Variants in STK3 observed in about 807,000 individuals in gnomAD.
STK3 encodes serine/threonine-protein kinase 3.
STK3 carries 41 observed loss-of-function variants against 58.0 expected under a neutral mutation model. The ratio of observed to expected loss-of-function variants is 0.71; its 90% confidence interval spans 0.55 to 0.92. The LOEUF is 0.92. Ranked by LOEUF, STK3 falls within the 40% of genes least tolerant of loss-of-function variation. The probability of loss-of-function intolerance (pLI) is 0.00; values close to 1 mark genes in which losing one functional copy is unlikely to be tolerated. For missense variants in STK3, 479 were observed against 602.7 expected (o/e 0.79, Z 2.15); for synonymous variants, 170 against 191.0 (o/e 0.89, Z 0.91).
intron 6 of STK3, among the ~76,000 whole-genome samples, chr8:98,670,067 G>A (rs958543422): frequency 1.4e-4 from 22 of 152,110 alleles, no homozygotes; most frequent in African/African-American, 5.1e-4. Flanking sequence ...TCACAACACT[G>A]TATATAAAAA....
chr8:98,605,224 C>A (rs2130115199), intron 6 of STK3, among the ~76,000 whole-genome samples: 1 of 152,206 alleles, frequency 6.6e-6, no homozygotes, highest in South Asian at 2.1e-4. Context: ...ATCTTTATAG[C>A]AATGCCCTAC....
At chr8:98,635,789 C>T (rs535968857) in intron 6 of STK3, among the ~76,000 whole-genome samples, 8 of 151,792 alleles carry the variant, frequency 5.3e-5, no homozygotes, top group Non-Finnish European at 1.0e-4. Context: ...TAAATATGTA[C>T]ATATAATAAT....
chr8:98,775,476 C>T (rs919960041), intron 1 of STK3, among the ~76,000 whole-genome samples: 4 of 152,202 alleles, frequency 2.6e-5, no homozygotes, highest in East Asian at 3.8e-4. Context: ...AGGTTCCCCA[C>T]GATGCCCCAC....
chr8:98,914,509 C>CT (rs35043360), intron 1 of STK3, among the ~76,000 whole-genome samples: 24 of 151,742 alleles, frequency 1.6e-4, no homozygotes, highest in African/African-American at 5.8e-4. Flanking sequence ...CTCTCTCTCT[C>CT]TTCACTCTTA....
rs377707462 is a variant in STK3, at chr8:98,725,409, C to G, written c.352-18098G>C. Among the ~76,000 whole-genome samples, 30 of 152,076 alleles carry G rather than the reference C, an allele frequency of 2.0e-4. No homozygotes were observed. In the East Asian group the frequency reaches 4.6e-3, roughly 23 times the overall value. On this transcript the variant is annotated intron_variant, in intron 4 of 10. Coordinates refer to ENST00000419617, the MANE Select transcript of STK3 (RefSeq NM_006281.4). Reference sequence around the variant, plus strand: ...TTATTTGAAATTTTTACAATGTGCTCGTGTTATGTTTTTCTCTATAATTTA... The same window carrying G: ...TTATTTGAAATTTTTACAATGTGCTGGTGTTATGTTTTTCTCTATAATTTA...
chr8:98,831,476 C>T (rs913727412), intron 3 of STK3, among the ~76,000 whole-genome samples: 2 of 152,166 alleles, frequency 1.3e-5, no homozygotes, highest in Non-Finnish European at 2.9e-5. Context: ...AGACTGGTCT[C>T]GAACTCCTGG....
At chr8:98,907,900 A>G (rs2131972768) in intron 1 of STK3, among the ~76,000 whole-genome samples, 2 of 152,126 alleles carry the variant, frequency 1.3e-5, no homozygotes, top group South Asian at 4.2e-4. Flanking sequence ...TTTTCCTTGC[A>G]TGCAATTCAT....
intron 3 of STK3, among the ~76,000 whole-genome samples, chr8:98,417,511 CT>C (rs1818128593): frequency 9.7e-6 from 1 of 102,642 alleles, no homozygotes; most frequent in Non-Finnish European, 2.0e-5. Flanking sequence ...GAGACTCTGT[CT>C]CAAAAAATAA....
At chr8:98,565,245 C>T (rs1812379899) in intron 8 of STK3, among the ~76,000 whole-genome samples, 1 of 152,048 alleles carries the variant, frequency 6.6e-6, no homozygotes. Flanking sequence ...TGAGAAATTT[C>T]CCAGAATAAA....
At chr8:98,537,065 C>T (rs1809825229) in intron 9 of STK3, among the ~76,000 whole-genome samples, 1 of 152,074 alleles carries the variant, frequency 6.6e-6, no homozygotes, top group Admixed American at 6.6e-5. Flanking sequence ...ACAGAGTTAA[C>T]AAAAGTTTTA....
chr8:98,832,302 ACACT>A (rs1323188742), intron 3 of STK3, among the ~76,000 whole-genome samples: 2 of 151,118 alleles, frequency 1.3e-5, no homozygotes, highest in East Asian at 1.9e-4. Context: ...ACAAAGGCAG[ACACT>A]CACATGCACA....
At chr8:98,373,841 C>T (rs1310863298) in intron 2 of STK3, among the ~76,000 whole-genome samples, 1 of 152,146 alleles carries the variant, frequency 6.6e-6, no homozygotes, top group Non-Finnish European at 1.5e-5. Flanking sequence ...AGTGGCTTGC[C>T]GAAGTCACAC....
At chr8:98,769,866 G>A (rs567070878) in intron 2 of STK3, among the ~76,000 whole-genome samples, 2 of 152,328 alleles carry the variant, frequency 1.3e-5, no homozygotes, top group South Asian at 4.1e-4. Flanking sequence ...TCAAGACTGA[G>A]AGAACCAGAA....
chr8:98,505,202 T>G (rs780459576), intron 10 of STK3, among the ~76,000 whole-genome samples: 4 of 152,232 alleles, frequency 2.6e-5, no homozygotes, highest in Non-Finnish European at 5.9e-5. Context: ...AGCTTGTGCA[T>G]GTGTCACGTA....
intron 10 of STK3, among the ~76,000 whole-genome samples, chr8:98,456,797 G>A (rs939856416): frequency 1.3e-5 from 2 of 152,136 alleles, no homozygotes; most frequent in African/African-American, 2.4e-5. Flanking sequence ...ATTGCCTTTG[G>A]TTATTTTATG....
At chr8:98,845,200 A>G (rs1255891899) in intron 3 of STK3, among the ~76,000 whole-genome samples, 1 of 152,118 alleles carries the variant, frequency 6.6e-6, no homozygotes, top group Non-Finnish European at 1.5e-5. Context: ...ATTTTTTTAA[A>G]CCACGTATTT....
chr8:98,366,882 C>T (rs1817570233), downstream of STK3, among the ~76,000 whole-genome samples: 2 of 152,238 alleles, frequency 1.3e-5, 1 homozygote, highest in South Asian at 4.1e-4. Flanking sequence ...CCACTGTATG[C>T]TAGGCAGCAT....
At chr8:98,551,147 T>A (rs1270033555) in intron 8 of STK3, among the ~76,000 whole-genome samples, 1 of 152,168 alleles carries the variant, frequency 6.6e-6, no homozygotes, top group Non-Finnish European at 1.5e-5. Context: ...TTCCCCTCTA[T>A]CCATTTAACT....
chr8:98,833,439 G>C (rs1835618013), intron 3 of STK3, among the ~76,000 whole-genome samples: 1 of 152,200 alleles, frequency 6.6e-6, no homozygotes, highest in Admixed American at 6.5e-5. Flanking sequence ...ATATTTACCA[G>C]TTAAATCTCT....
Sources: gnomAD v4.1 joint callset for allele counts (sites outside exome capture counted in the v4.1 genomes callset) on GRCh38, gnomAD v4.1.1 for gene constraint, MANE v1.5 for transcripts, NCBI Gene and HGNC (gene_info 2026-07-23, HGNC 2026-07-21) for gene names.